The following GRM4 variants were observed in gnomAD, a reference collection of about 807,000 sequenced individuals.
GRM4 encodes the protein glutamate metabotropic receptor 4.
In GRM4, 28 loss-of-function variants were observed where a neutral mutation model predicts 81.7. That is an observed-to-expected ratio of 0.34 (90% confidence interval 0.25 to 0.47). The LOEUF (loss-of-function observed/expected upper bound fraction) is 0.47, where lower values mean the gene tolerates loss of function less well. Ranked by LOEUF, GRM4 falls within the 20% of genes least tolerant of loss-of-function variation. The pLI is 1.00. For synonymous variants in GRM4, 488 were observed against 528.8 expected, an observed-to-expected ratio of 0.92 and a Z score of 1.06; for missense variants, 948 against 1,290.0, an observed-to-expected ratio of 0.73 and a Z score of 4.06.
chr6:34,056,436 G>C (rs536878913), intron 6 of GRM4, 108 bp downstream of exon 6: 5 of 998,514 alleles, frequency 5.0e-6, no homozygotes, highest in African/African-American at 3.3e-5. Flanking sequence ...GTCCTGCCAC[G>C]GCCGGCCGAC....
At chr6:34,038,102 C>A (rs971691789) in intron 8 of GRM4, among the ~76,000 whole-genome samples, 1 of 152,170 alleles carries the variant, frequency 6.6e-6, no homozygotes, top group African/African-American at 2.4e-5. Flanking sequence ...AGGGGAAAGA[C>A]CCTTCCCCAG....
At position 34,133,676 on chromosome 6, in the gene GRM4, A is replaced by G; in HGVS notation, c.-180T>C. 1 of 1,413,698 alleles carries G rather than the reference A, an allele frequency of 7.1e-7. No individual in the cohort carries two copies. The highest frequency in any genetic ancestry group is 2.5e-5 in the East Asian group (1 of 39,302). 87.6% of individuals were successfully genotyped at this position (1,413,698 alleles called of 1,614,324 possible). A position where few individuals can be genotyped will look rare whatever the true frequency, so the allele number is the denominator to read the frequency against. On this transcript the variant is annotated 5_prime_UTR_variant, in exon 2 of 11. Coordinates refer to ENST00000538487, the MANE Select transcript of GRM4 (RefSeq NM_000841.4). This position sits in a 1 kb window ranked among gnomAD's most constrained non-coding sequence, Gnocchi z 6.5. ...CCTCCTTGTCACTCGGGCCAAGCAC[A>G]GTTGCCCGCACAGTCCAGGCCCACA...
rs750637300 is a variant in GRM4, at chr6:34,091,978, C to T, written c.641G>A (p.Arg214His). Residue 214 changes from arginine (R) to histidine (H), a missense_variant, in exon 3 of 11, where the codon CGT (arginine) becomes CAT (histidine). By Grantham distance (29) the Arg-to-His change is conservative. Coordinates refer to ENST00000538487, the MANE Select transcript of GRM4 (RefSeq NM_000841.4). Reference protein sequence around the residue: ...YQAQAMVDIVRALKWNYVSTV... With the variant: ...YQAQAMVDIVHALKWNYVSTV... The stretch of plus-strand genomic sequence containing the variant: ...GGACACATAGTTCCACTTGAGGGCA[C>T]GGACGATGTCCACCATGGCCTGGGC... 28 of 1,613,940 alleles carry T rather than the reference C, an allele frequency of 1.7e-5. No homozygotes were observed. Among genetic ancestry groups the T allele is most frequent in the South Asian group, 6.6e-5 (6 of 91,084 alleles).
chr6:34,065,544 G>A (rs1490002176), intron 3 of GRM4, among the ~76,000 whole-genome samples: 1 of 152,136 alleles, frequency 6.6e-6, no homozygotes, highest in Non-Finnish European at 1.5e-5. Flanking sequence ...ACATGAAGAA[G>A]TCTGGGGGTC....
intron 10 of GRM4, chr6:34,024,195 C>G (rs1376215154): frequency 6.4e-6 from 1 of 157,164 alleles, no homozygotes; most frequent in Non-Finnish European, 1.4e-5. Flanking sequence ...TCCCAGCCTC[C>G]CTTGCAGCTA....
rs568530673 is a variant in GRM4, at chr6:34,035,511, G to T, written c.2442+157C>A. ...GCAGCTGGGAGAGAAGGCAGAATGA[G>T]GCATGAAAGAAGGCAGAATGAGGCA... is the stretch of plus-strand genomic sequence containing the variant. On this transcript the variant is annotated intron_variant, in intron 9 of 10. Coordinates refer to ENST00000538487, the MANE Select transcript of GRM4 (RefSeq NM_000841.4). This position sits in a 1 kb window ranked among gnomAD's most constrained non-coding sequence, Gnocchi z 6.6. Among the ~76,000 whole-genome samples the T allele has an allele frequency of 6.6e-6, 1 of 152,108 alleles. No homozygotes were observed. The highest frequency in any genetic ancestry group is 1.9e-4 in the East Asian group (1 of 5,174).
At chr6:34,029,627 CT>C (rs1461447092) in intron 9 of GRM4, among the ~76,000 whole-genome samples, 36 of 152,330 alleles carry the variant, frequency 2.4e-4, no homozygotes, top group Non-Finnish European at 5.0e-4. Context: ...TCCTGCCCTT[CT>C]GTGGGCCTCA....
intron 5 of GRM4, among the ~76,000 whole-genome samples, chr6:34,057,472 T>A (rs1465301793): frequency 6.6e-6 from 1 of 152,122 alleles, no homozygotes; most frequent in Non-Finnish European, 1.5e-5. Context: ...TGCAGTAGGA[T>A]TTCTCAGCCT....
chr6:34,084,884 C>T (rs896529035), intron 3 of GRM4, among the ~76,000 whole-genome samples: 15 of 152,212 alleles, frequency 9.9e-5, no homozygotes, highest in Non-Finnish European at 1.6e-4. Context: ...CTGGAGCCCC[C>T]GCAGTCCTGG....
chr6:34,050,604 A>G (rs982139655), intron 6 of GRM4, among the ~76,000 whole-genome samples: 3 of 152,172 alleles, frequency 2.0e-5, no homozygotes, highest in African/African-American at 7.2e-5. Flanking sequence ...TCTTTTCTTT[A>G]TGAATTACCC....
At chr6:34,124,759 T>G (rs567406540) in intron 2 of GRM4, among the ~76,000 whole-genome samples, 1 of 152,090 alleles carries the variant, frequency 6.6e-6, no homozygotes, top group Non-Finnish European at 1.5e-5. Flanking sequence ...AACAAATAAA[T>G]GCATGACTCT....
chr6:34,098,498 C>T (rs1768657750), intron 2 of GRM4, among the ~76,000 whole-genome samples: 1 of 152,240 alleles, frequency 6.6e-6, no homozygotes, highest in Non-Finnish European at 1.5e-5. Flanking sequence ...TGGCCACCAG[C>T]CTAGGCCCAG....
At chr6:34,148,860 C>T (rs1382539567), upstream of GRM4, among the ~76,000 whole-genome samples, 1 of 152,322 alleles carries the variant, frequency 6.6e-6, no homozygotes, top group Non-Finnish European at 1.5e-5. Context: ...GCCTGCTACT[C>T]GTGGAGTAAG....
At chr6:34,040,039 C>T in intron 8 of GRM4, 139 bp downstream of exon 8, 1 of 794,130 alleles carries the variant, frequency 1.3e-6, no homozygotes, top group Non-Finnish European at 2.1e-6. Context: ...TGGGAGAGGG[C>T]ACTGGGAAGG....
At position 34,035,994 on chromosome 6, in the gene GRM4, G is replaced by A. The variant is rs780655548; in HGVS notation, c.2116C>T (p.Leu706Phe). 7 of 1,613,834 alleles carry A rather than the reference G, an allele frequency of 4.3e-6. No homozygotes were observed. The highest frequency in any genetic ancestry group is 1.3e-5 in the African/African-American group (1 of 74,934). Residue 706 changes from leucine (L) to phenylalanine (F), a missense_variant, in exon 9 of 11, where the codon CTC becomes TTC. Transcript: ENST00000538487. The surrounding 1 kb of genome is among the most constrained non-coding windows in gnomAD (Gnocchi z 6.6). ...PASQLAITFS[L>F]ISLQLLGICV... is the part of the protein sequence containing the mutation. ...ATGCCCAGCAGCTGCAGCGAGATGAGGCTGAAGGTGATGGCCAGCTGTGAG... is the reference window on the plus strand; with the variant it reads ...ATGCCCAGCAGCTGCAGCGAGATGAAGCTGAAGGTGATGGCCAGCTGTGAG...
In GRM4 at chr6:34,133,346, G is replaced by A. The variant is rs1474270034; in HGVS notation, c.151C>T (p.Leu51=). The change falls in exon 2 of 11, where the codon CTG becomes TTG. Residue 51 remains leucine (L), a synonymous_variant. Coordinates refer to ENST00000538487, the MANE Select transcript of GRM4 (RefSeq NM_000841.4). The surrounding 1 kb of genome is among the most constrained non-coding windows in gnomAD (Gnocchi z 6.5). ...NSIRIDGDIT[L]GGLFPVHGRG... is the part of the protein sequence containing the mutation. ...CCATGCACCGGGAACAGGCCTCCCA[G>A]TGTGATGTCCCCATCTATGCGGATG... is the stretch of plus-strand genomic sequence containing the variant. 2.5e-6 allele frequency: 4 copies of A among 1,614,118 alleles called. No homozygotes were observed. Among genetic ancestry groups the A allele is most frequent in the South Asian group, 1.1e-5 (1 of 91,080 alleles).
At position 34,068,751 on chromosome 6, in the gene GRM4, G is replaced by C. The variant is rs1416355449; in HGVS notation, c.737-6723C>G. 1.3e-5 allele frequency among the ~76,000 whole-genome samples: 2 copies of C among 152,112 alleles called. No homozygotes were observed. Among genetic ancestry groups the C allele is most frequent in the African/African-American group, 4.8e-5 (2 of 41,418 alleles). ...CTCCCTGCTGTGGGGAGACAGTCAGGGGTCCCCCAGGCTGTCACCTTGGAC... is the reference window on the plus strand; with the variant it reads ...CTCCCTGCTGTGGGGAGACAGTCAGCGGTCCCCCAGGCTGTCACCTTGGAC... On this transcript the variant is annotated intron_variant, in intron 3 of 10. Coordinates refer to ENST00000538487, the MANE Select transcript of GRM4 (RefSeq NM_000841.4). This position sits in a 1 kb window ranked among gnomAD's most constrained non-coding sequence, Gnocchi z 4.2.
chr6:34,103,865 A>C, intron 2 of GRM4: 1 of 1,411,854 alleles, frequency 7.1e-7, no homozygotes, highest in South Asian at 1.5e-5. Flanking sequence ...GAGGGTCCCG[A>C]GGGAGAATGA....
chr6:34,136,712 C>T lies in GRM4; in HGVS notation c.-363-2853G>A, dbSNP rs1373200839. 3.9e-5 allele frequency among the ~76,000 whole-genome samples: 6 copies of T among 152,086 alleles called. No individual in the cohort carries two copies. The highest frequency in any genetic ancestry group is 2.0e-4 in the Admixed American group (3 of 15,270). On this transcript the variant is annotated intron_variant, in intron 1 of 10. Transcript: ENST00000538487. The surrounding 1 kb of genome is among the most constrained non-coding windows in gnomAD (Gnocchi z 4.1). ...AGCCTCAAGCTGGTCAGATCCCCTG[C>T]GAGACTTCCCTCCCACAGGACTGGG...
Sources: gnomAD v4.1 joint callset for allele counts (sites outside exome capture counted in the v4.1 genomes callset) on GRCh38, gnomAD v4.1.1 for gene constraint, Gnocchi (gnomAD v3.1) non-coding constraint, MANE v1.5 for transcripts, NCBI Gene and HGNC (gene_info 2026-07-23, HGNC 2026-07-21) for gene names.